The following UNC5D variants were observed in gnomAD, a reference collection of about 807,000 sequenced individuals.
UNC5D encodes netrin receptor UNC5D.
A neutral mutation model predicts 105.4 loss-of-function variants in UNC5D; 39 were observed. That is an observed-to-expected ratio of 0.37 (90% confidence interval 0.29 to 0.48). The LOEUF (loss-of-function observed/expected upper bound fraction) is 0.48, where lower values mean the gene tolerates loss of function less well. Ranked by LOEUF, UNC5D falls within the 20% of genes least tolerant of loss-of-function variation. UNC5D has a pLI of 0.98. For synonymous variants in UNC5D, 452 were observed against 450.4 expected (o/e 1.00, Z -0.04); for missense variants, 991 against 1,202.4 (o/e 0.82, Z 2.60).
intron 1 of UNC5D, among the ~76,000 whole-genome samples, chr8:35,516,981 C>A (rs1813139388): frequency 6.6e-6 from 1 of 152,190 alleles, no homozygotes; most frequent in African/African-American, 2.4e-5. Context: ...TGAGGTCATG[C>A]TGTTCTCTTC....
Position 35,390,164 on chromosome 8 carries a change from T to C in UNC5D, c.103+154277T>C, listed in dbSNP as rs531433073. Among the ~76,000 whole-genome samples the C allele has an allele frequency of 3.4e-4, 51 of 152,176 alleles. No homozygotes were observed. The South Asian group carries it at 8.7e-3, about 26-fold the overall frequency. Reference sequence around the variant, plus strand: ...AAGGAGGAGGTGCTACAGACTTAAATGACCAGATCTCATGAGACCTCACTC... The same window carrying C: ...AAGGAGGAGGTGCTACAGACTTAAACGACCAGATCTCATGAGACCTCACTC... On this transcript the variant is annotated intron_variant, in intron 1 of 16. Transcript: ENST00000404895.
intron 15 of UNC5D, among the ~76,000 whole-genome samples, chr8:35,769,402 C>G (rs1801910674): frequency 1.3e-5 from 2 of 152,160 alleles, no homozygotes; most frequent in South Asian, 2.1e-4. Context: ...GACTCAGGTA[C>G]TAGTGACAAA....
At chr8:35,790,326 T>C in intron 16 of UNC5D, 33 bp from the exon 17 acceptor site, 1 of 1,600,760 alleles carries the variant, frequency 6.2e-7, no homozygotes, top group Non-Finnish European at 8.6e-7. Flanking sequence ...TCATGTTTCG[T>C]TTTGTTCTTT....
chr8:35,573,526 AG>A (rs1563549217), intron 3 of UNC5D, among the ~76,000 whole-genome samples: 1 of 152,232 alleles, frequency 6.6e-6, no homozygotes, highest in African/African-American at 2.4e-5. Flanking sequence ...ACATGGAACC[AG>A]GTCCTGAATC....
At chr8:35,563,887 T>G (rs982858032) in intron 2 of UNC5D, among the ~76,000 whole-genome samples, 1 of 152,168 alleles carries the variant, frequency 6.6e-6, no homozygotes, top group Non-Finnish European at 1.5e-5. Flanking sequence ...TTCTTATTTT[T>G]GGTTCTGTTA....
At chr8:35,627,989 G>A (rs1821794100) in intron 4 of UNC5D, among the ~76,000 whole-genome samples, 1 of 152,042 alleles carries the variant, frequency 6.6e-6, no homozygotes, top group Admixed American at 6.6e-5. Context: ...TTTTGATTGG[G>A]GGTGTGGTTG....
intron 1 of UNC5D, among the ~76,000 whole-genome samples, chr8:35,321,345 G>C (rs1169845808): frequency 1.3e-5 from 2 of 152,130 alleles, no homozygotes; most frequent in Non-Finnish European, 2.9e-5. Context: ...TATCAAGGGA[G>C]AGACCAGGTG....
intron 10 of UNC5D, among the ~76,000 whole-genome samples, chr8:35,729,286 A>G (rs1829062993): frequency 6.6e-6 from 1 of 152,220 alleles, no homozygotes; most frequent in Non-Finnish European, 1.5e-5. Context: ...AGAGTTGGCC[A>G]TCAGGCTATG....
chr8:35,750,633 C>A lies in UNC5D; in HGVS notation c.1987C>A (p.Pro663Thr). Residue 663 changes from proline to threonine, a missense_variant, in exon 13 of 17, where the codon CCC becomes ACC. Physicochemically the swap from Pro to Thr is conservative, Grantham distance 38 (BLOSUM62 -1). This residue lies in a region of UNC5D where 944 missense variants were observed against 1,131.6 expected (regional missense o/e 0.83). Coordinates refer to ENST00000404895, the MANE Select transcript of UNC5D (RefSeq NM_080872.4). ...TACATCCTGTTACTGCCTTTTGGACCCCTTTGCGTGTCATGTGCTCCTGGA... is the reference window on the plus strand; with the variant it reads ...TACATCCTGTTACTGCCTTTTGGACACCTTTGCGTGTCATGTGCTCCTGGA... ...ESTSCYCLLD[P>T]FACHVLLDSF... 1 of 1,613,998 alleles carries A rather than the reference C, an allele frequency of 6.2e-7. No individual in the cohort carries two copies. The highest frequency in any genetic ancestry group is 8.5e-7 in the Non-Finnish European group (1 of 1,180,010).
chr8:35,243,518 A>T (rs2128803175), intron 1 of UNC5D, among the ~76,000 whole-genome samples: 1 of 152,320 alleles, frequency 6.6e-6, no homozygotes, highest in South Asian at 2.1e-4. Flanking sequence ...ATTTTTGTTA[A>T]ATAAGAGGCC....
intron 4 of UNC5D, among the ~76,000 whole-genome samples, chr8:35,601,381 T>C (rs1819873113): frequency 6.6e-6 from 1 of 152,234 alleles, no homozygotes; most frequent in South Asian, 2.1e-4. Context: ...ATCTATAAAT[T>C]ACCTTGGGCA....
intron 1 of UNC5D, among the ~76,000 whole-genome samples, chr8:35,509,612 T>C (rs1214431487): frequency 2.7e-5 from 4 of 148,942 alleles, no homozygotes; most frequent in Admixed American, 1.3e-4. Flanking sequence ...TGTGAGCATA[T>C]AGGAAACAGA....
At chr8:35,283,801 T>TA (rs5890804) in intron 1 of UNC5D, among the ~76,000 whole-genome samples, 4,389 of 146,342 alleles carry the variant, frequency 0.03, 177 homozygotes, top group African/African-American at 0.089. Context: ...AGACTCCGAA[T>TA]AAAAAAAAAA....
At chr8:35,302,925 C>T (rs1289320074) in intron 1 of UNC5D, among the ~76,000 whole-genome samples, 1 of 151,980 alleles carries the variant, frequency 6.6e-6, no homozygotes, top group Non-Finnish European at 1.5e-5. Flanking sequence ...TTTGGAGAAG[C>T]ATTATCTGAT....
chr8:35,525,516 T>C (rs1813804463), intron 1 of UNC5D: 17 of 1,612,206 alleles, frequency 1.1e-5, no homozygotes, highest in Middle Eastern at 2.2e-4. Context: ...CTTACTAACA[T>C]TGAGTGAAGC....
At chr8:35,300,172 G>A (rs1219616752) in intron 1 of UNC5D, among the ~76,000 whole-genome samples, 3 of 151,996 alleles carry the variant, frequency 2.0e-5, no homozygotes, top group Non-Finnish European at 4.4e-5. Flanking sequence ...AGTAGACTGG[G>A]CATGGTGGCT....
chr8:35,453,600 A>G (rs140903006), intron 1 of UNC5D, among the ~76,000 whole-genome samples: 3 of 152,340 alleles, frequency 2.0e-5, no homozygotes, highest in African/African-American at 4.8e-5. Context: ...TCCTGGGAAC[A>G]GGGAAAAGAG....
chr8:35,474,320 T>C (rs1267969952), intron 1 of UNC5D, among the ~76,000 whole-genome samples: 2 of 152,200 alleles, frequency 1.3e-5, no homozygotes. Flanking sequence ...TTGTTCCTTT[T>C]TGTTTGATAC....
At chr8:35,662,186 CAAAAAA>C (rs10692805) in intron 4 of UNC5D, among the ~76,000 whole-genome samples, 4 of 108,660 alleles carry the variant, frequency 3.7e-5, no homozygotes, top group Admixed American at 1.9e-4. Flanking sequence ...CAAAAGCTTT[CAAAAAA>C]AAAAAAAAAA....
Sources: gnomAD v4.1 joint callset for allele counts (sites outside exome capture counted in the v4.1 genomes callset) on GRCh38, gnomAD v4.1.1 for gene constraint, gnomAD v4.1.1 regional missense constraint, MANE v1.5 for transcripts, NCBI Gene and HGNC (gene_info 2026-07-23, HGNC 2026-07-21) for gene names.